DMD: variants seen among roughly 807,000 people sequenced by gnomAD.
The protein encoded by DMD is mutant dystrophin.
In DMD, 63 loss-of-function variants were observed where a neutral mutation model predicts 330.1. The ratio of observed to expected loss-of-function variants is 0.19; its 90% confidence interval spans 0.16 to 0.24. The LOEUF is 0.24. Among genes scored for constraint, DMD ranks in the 10% least tolerant of loss-of-function variants. The probability of loss-of-function intolerance (pLI) is 1.00; values close to 1 mark genes in which losing one functional copy is unlikely to be tolerated. For missense variants in DMD, 3,344 were observed against 2,684.1 expected (o/e 1.25, Z -5.43); for synonymous variants, 1,223 against 959.8 (o/e 1.27, Z -5.07).
chrX:32,354,904 T>C (rs979267795), intron 37 of DMD, among the ~76,000 whole-genome samples: 1 of 111,531 alleles, frequency 9.0e-6, no homozygotes, highest in Non-Finnish European at 1.9e-5. Context: ...ACTTAGAATA[T>C]TGCCCTATTT....
intron 9 of DMD, among the ~76,000 whole-genome samples, chrX:32,673,822 C>CA (rs951583512): frequency 8.0e-5 from 9 of 111,957 alleles, no homozygotes; most frequent in African/African-American, 2.9e-4. Flanking sequence ...TTAAAGATGT[C>CA]AAAAGAGGTT....
chrX:32,466,793 C>A (rs904638433), intron 23 of DMD, among the ~76,000 whole-genome samples: 7 of 111,421 alleles, frequency 6.3e-5, no homozygotes, highest in African/African-American at 1.3e-4. Context: ...CTAAAAATGC[C>A]AATAAAACAG....
intron 50 of DMD, among the ~76,000 whole-genome samples, chrX:31,794,612 T>C (rs982800822): frequency 2.7e-5 from 3 of 111,716 alleles, no homozygotes; most frequent in African/African-American, 6.5e-5. Context: ...GCTGAGATAA[T>C]CTCTTTTTAT....
intron 63 of DMD, among the ~76,000 whole-genome samples, chrX:31,256,549 T>C (rs1016617588): frequency 9.7e-6 from 1 of 102,700 alleles, no homozygotes; most frequent in Admixed American, 1.1e-4. Flanking sequence ...AATTATCTTA[T>C]ATTGTTTTTT....
At chrX:32,229,649 C>CATATATATAT (rs550544963) in intron 43 of DMD, among the ~76,000 whole-genome samples, 11 of 61,189 alleles carry the variant, frequency 1.8e-4, no homozygotes, top group African/African-American at 6.8e-4. Context: ...ACATATTTTA[C>CATATATATAT]ATATATATAT....
chrX:33,266,556 A>C lies in DMD; in HGVS notation c.7+72703T>G, dbSNP rs768812960. ...GTTGGAGGCAATACAAATATGAATT[A>C]TGATGTTTGCAGGTTTTAGAAGAAA... On this transcript the variant is annotated intron_variant, in intron 1 of 17. Transcript: ENST00000288447. 4.2e-5 allele frequency among the ~76,000 whole-genome samples: 4 copies of C among 95,241 alleles called. No individual in the cohort carries two copies. The Admixed American group carries it at 4.7e-4, about 11-fold the overall frequency. The allele number at this position is 95,241 out of a possible 115,157, so 82.7% of individuals were successfully genotyped here. A position where few individuals can be genotyped will look rare whatever the true frequency, so the allele number is the denominator to read the frequency against.
At chrX:31,598,928 T>G (rs1216439722) in intron 55 of DMD, among the ~76,000 whole-genome samples, 2 of 112,224 alleles carry the variant, frequency 1.8e-5, no homozygotes, top group Non-Finnish European at 3.8e-5. Flanking sequence ...ATCTGATTTT[T>G]ATTGCTACAG....
chrX:31,285,657 T>C (rs1056983720), intron 62 of DMD, among the ~76,000 whole-genome samples: 2 of 111,465 alleles, frequency 1.8e-5, no homozygotes, highest in African/African-American at 6.5e-5. Flanking sequence ...TCCTTAGGTT[T>C]TGCAATTTGG....
chrX:32,093,636 A>G (rs908529880), intron 44 of DMD, among the ~76,000 whole-genome samples: 9 of 111,811 alleles, frequency 8.0e-5, no homozygotes, highest in African/African-American at 2.9e-4. Context: ...AATTTAACAC[A>G]TGAGATTTAC....
At chrX:33,221,893 G>A (rs1256335061) in intron 1 of DMD, among the ~76,000 whole-genome samples, 1 of 110,471 alleles carries the variant, frequency 9.1e-6, no homozygotes, top group Non-Finnish European at 1.9e-5. Flanking sequence ...ACTAGATAAT[G>A]AGTATAACTG....
At chrX:33,252,138 G>A (rs942731539) in intron 1 of DMD, among the ~76,000 whole-genome samples, 15 of 111,857 alleles carry the variant, frequency 1.3e-4, no homozygotes, top group African/African-American at 4.5e-4. Flanking sequence ...GCGTTTTCTC[G>A]TGTTCAAGAG....
intron 43 of DMD, among the ~76,000 whole-genome samples, chrX:32,228,092 A>G (rs922057646): frequency 2.7e-5 from 3 of 111,614 alleles, no homozygotes; most frequent in African/African-American, 9.8e-5. Context: ...GGCTTAGGGG[A>G]AAACACCGTA....
intron 44 of DMD, among the ~76,000 whole-genome samples, chrX:32,033,676 G>A (rs5002835): frequency 0.35 from 31,951 of 90,059 alleles, 4,812 homozygotes; most frequent in African/African-American, 0.52. Context: ...AAGAAAGGAA[G>A]GAAAGAAAGA....
At position 31,348,619 on chromosome X, in the gene DMD, G is replaced by A. The variant is rs1569530432; in HGVS notation, c.9100C>T (p.Arg3034Ter). 1.7e-6 allele frequency: 2 copies of A among 1,209,046 alleles called. No individual in the cohort carries two copies. The highest frequency in any genetic ancestry group is 2.2e-6 in the Non-Finnish European group (2 of 893,797). ...TGGGCTTCATGCAGCTGCCTGACTC[G>A]GTCCTCGACGGCCACCTGGGAGGAA... Reference protein sequence around the residue: ...WKLLQVAVEDRVRQLHEAHRD... With the variant: ...WKLLQVAVED Residue 3034 changes from arginine (R) to a stop codon, truncating the protein, a stop_gained, in exon 61 of 79, where the codon CGA (arginine) becomes TGA (stop). Transcript: ENST00000357033. LOFTEE classifies it high-confidence loss of function.
rs781442281 is a variant in DMD at position 33,283,082 on chromosome X, T to C, written c.7+56177A>G. ...TTCTCAGTCTTGTTTTAATATGTTT[T>C]AACACGTGATTCAGATAACTTGGTT... On this transcript the variant is annotated intron_variant, in intron 1 of 17. Transcript: ENST00000288447. Among the ~76,000 whole-genome samples the C allele has an allele frequency of 1.2e-3, 133 of 112,165 alleles. 2 individuals carry two copies. The highest frequency in any genetic ancestry group is 4.1e-4 in the Non-Finnish European group (22 of 53,298).
chrX:32,887,653 C>T (rs1051510935), intron 2 of DMD, among the ~76,000 whole-genome samples: 1 of 95,744 alleles, frequency 1.0e-5, no homozygotes, highest in Non-Finnish European at 2.0e-5. Flanking sequence ...GAGGCTGAGG[C>T]AGGAGAATCA....
At chrX:31,530,523 T>C (rs2073659235) in intron 55 of DMD, among the ~76,000 whole-genome samples, 1 of 109,902 alleles carries the variant, frequency 9.1e-6, no homozygotes, top group African/African-American at 3.3e-5. Context: ...AATGATTGGA[T>C]ACATTAATAC....
At chrX:32,452,259 A>G (rs1454771145) in intron 26 of DMD, among the ~76,000 whole-genome samples, 1 of 97,038 alleles carries the variant, frequency 1.0e-5, no homozygotes, top group East Asian at 3.4e-4. Flanking sequence ...AGAAAAGGCC[A>G]TATGAGTGAC....
chrX:32,238,514 C>G (rs746127174), intron 43 of DMD, among the ~76,000 whole-genome samples: 5 of 110,620 alleles, frequency 4.5e-5, no homozygotes, highest in Non-Finnish European at 5.7e-5. Context: ...ATGGAGAACA[C>G]AAGACATAAA....
Sources: allele counts gnomAD v4.1 joint callset (sites outside exome capture counted in the v4.1 genomes callset), GRCh38; gene constraint gnomAD v4.1.1; transcripts MANE v1.5; gene names NCBI Gene and HGNC (gene_info 2026-07-23, HGNC 2026-07-21).